Variants in KCNN2 observed in about 807,000 individuals in gnomAD.
KCNN2 encodes the protein small conductance calcium-activated potassium channel protein 2.
In KCNN2, 24 loss-of-function variants were observed where a neutral mutation model predicts 55.5. That is an observed-to-expected ratio of 0.43 (90% CI 0.31 to 0.61). The LOEUF (loss-of-function observed/expected upper bound fraction) is 0.61, where lower values mean the gene tolerates loss of function less well. Ranked by LOEUF, KCNN2 falls within the 20% of genes least tolerant of loss-of-function variation. KCNN2 has a pLI of 0.08. For synonymous variants in KCNN2, 431 were observed against 336.1 expected, an observed-to-expected ratio of 1.28 and a Z score of -3.09; for missense variants, 754 against 853.6, an observed-to-expected ratio of 0.88 and a Z score of 1.45.
chr5:114,160,172 A>T (rs1164880397), intron 1 of KCNN2, among the ~76,000 whole-genome samples: 3 of 152,154 alleles, frequency 2.0e-5, no homozygotes, highest in African/African-American at 7.2e-5. Context: ...CATACTGCTT[A>T]GAATGTGTCC....
At chr5:114,400,235 T>G (rs1460256296) in intron 2 of KCNN2, among the ~76,000 whole-genome samples, 1 of 152,184 alleles carries the variant, frequency 6.6e-6, no homozygotes, top group South Asian at 2.1e-4. Context: ...TTCTAACTTT[T>G]TCACATGGGC....
rs146131588 is a variant in KCNN2 at position 114,438,435 on chromosome 5, AAT to A, written c.1638-24609_1638-24608del. On this transcript the variant is annotated intron_variant, in intron 3 of 7. Transcript: ENST00000673685. The stretch of plus-strand genomic sequence containing the variant: ...GATGGGACATAGTGGTATTAGAAAA[AAT>A]ATATTTCTGTTGCAACTTTTGATCT... Among the ~76,000 whole-genome samples, 593 of 152,274 alleles carry A rather than the reference AAT, an allele frequency of 3.9e-3. 4 individuals are homozygous for A. Among genetic ancestry groups the A allele is most frequent in the African/African-American group, 0.012 (511 of 41,568 alleles).
intron 3 of KCNN2, among the ~76,000 whole-genome samples, chr5:114,446,809 G>A (rs1203305853): frequency 1.3e-5 from 2 of 152,104 alleles, no homozygotes; most frequent in Non-Finnish European, 2.9e-5. Flanking sequence ...GGCTGAAGCA[G>A]GATAATTGCT....
At chr5:114,484,317 C>G (rs1014419993) in intron 5 of KCNN2, among the ~76,000 whole-genome samples, 4 of 152,210 alleles carry the variant, frequency 2.6e-5, no homozygotes, top group Admixed American at 6.5e-5. Flanking sequence ...GAAACTTTCC[C>G]TCCAAAGATG....
intron 2 of KCNN2, among the ~76,000 whole-genome samples, chr5:114,296,515 G>A (rs1293664996): frequency 6.6e-6 from 1 of 152,212 alleles, no homozygotes; most frequent in Admixed American, 6.5e-5. Flanking sequence ...GGTCTCTGTA[G>A]AAATGGCCTT....
intron 1 of KCNN2, among the ~76,000 whole-genome samples, chr5:114,116,934 A>C (rs1370938734): frequency 6.6e-6 from 1 of 152,134 alleles, no homozygotes; most frequent in Admixed American, 6.5e-5. Context: ...CATGAGTATA[A>C]AAAGTCATGC....
At chr5:114,386,975 G>A (rs1299647963) in intron 2 of KCNN2, among the ~76,000 whole-genome samples, 5 of 152,144 alleles carry the variant, frequency 3.3e-5, no homozygotes, top group Non-Finnish European at 2.9e-5. Context: ...AGGCCAGTTA[G>A]CAATCTTGAA....
At chr5:114,420,251 A>C (rs962928646) in intron 3 of KCNN2, among the ~76,000 whole-genome samples, 3 of 152,280 alleles carry the variant, frequency 2.0e-5, no homozygotes, top group Non-Finnish European at 4.4e-5. Flanking sequence ...GACTAGGGAA[A>C]TAATGTAAAG....
At chr5:114,432,690 G>A (rs945177890) in intron 3 of KCNN2, among the ~76,000 whole-genome samples, 18 of 152,172 alleles carry the variant, frequency 1.2e-4, no homozygotes, top group African/African-American at 3.9e-4. Context: ...AGGGAGAGGC[G>A]CGAGCGGGAA....
chr5:114,306,428 C>T (rs990077481), intron 2 of KCNN2, among the ~76,000 whole-genome samples: 1 of 152,194 alleles, frequency 6.6e-6, no homozygotes, highest in Non-Finnish European at 1.5e-5. Flanking sequence ...AATTCTGGAA[C>T]ATGACATTGT....
chr5:114,125,858 G>T (rs1403791802), intron 1 of KCNN2, among the ~76,000 whole-genome samples: 1 of 152,102 alleles, frequency 6.6e-6, no homozygotes, highest in South Asian at 2.1e-4. Context: ...GTGGATTGGG[G>T]CCCATCCTAA....
chr5:114,396,818 T>A (rs1758634641), intron 2 of KCNN2, among the ~76,000 whole-genome samples: 1 of 152,174 alleles, frequency 6.6e-6, no homozygotes, highest in Admixed American at 6.5e-5. Context: ...GTGCTGGGGT[T>A]ACAGGCGTGA....
intron 2 of KCNN2, among the ~76,000 whole-genome samples, chr5:114,222,048 A>G (rs1754149980): frequency 6.6e-6 from 1 of 152,218 alleles, no homozygotes; most frequent in African/African-American, 2.4e-5. Flanking sequence ...GCTAGATAAT[A>G]TGTTTGAGAT....
chr5:114,104,495 T>G (rs1751438971), intron 1 of KCNN2, among the ~76,000 whole-genome samples: 1 of 152,080 alleles, frequency 6.6e-6, no homozygotes, highest in Non-Finnish European at 1.5e-5. Context: ...GTTCTTTTGG[T>G]GATGTTAGGG....
chr5:114,467,758 T>C (rs1165469173), intron 4 of KCNN2, among the ~76,000 whole-genome samples: 1 of 152,076 alleles, frequency 6.6e-6, no homozygotes, highest in African/African-American at 2.4e-5. Context: ...TAGGTGGAAG[T>C]TGTTGTGACC....
intron 3 of KCNN2, among the ~76,000 whole-genome samples, chr5:114,425,199 A>G (rs1278683271): frequency 6.6e-6 from 1 of 152,254 alleles, no homozygotes; most frequent in Non-Finnish European, 1.5e-5. Context: ...GGGCTTAACT[A>G]TCATGCTTTT....
In KCNN2 at chr5:114,356,989, C is replaced by T. The variant is rs907617185; in HGVS notation, c.-184-3956C>T. 4.6e-5 allele frequency among the ~76,000 whole-genome samples: 7 copies of T among 151,988 alleles called. 1 individual carries two copies. The highest frequency in any genetic ancestry group is 3.2e-3 in the Middle Eastern group (1 of 316). ...TGGCGGTGTCTCATCACAACCTCTG[C>T]GTTTGGCACCACCAAATATTGTAGT... is the stretch of plus-strand genomic sequence containing the variant. On this transcript the variant is annotated intron_variant, in intron 2 of 10. Coordinates refer to the KCNN2 transcript ENST00000512097.
rs191008502 is a variant in KCNN2, at chr5:114,066,509, C to T, written c.-271+10009C>T. Among the ~76,000 whole-genome samples the T allele has an allele frequency of 2.3e-3, 353 of 152,320 alleles. 1 individual carries two copies. The highest frequency in any genetic ancestry group is 7.9e-3 in the African/African-American group (328 of 41,576). The stretch of plus-strand genomic sequence containing the variant: ...ATGAATGCCGGGATGGCAGTAACAA[C>T]GGATACACACTACTGTGGGAAAGGG... On this transcript the variant is annotated intron_variant, in intron 1 of 10. Transcript: ENST00000512097.
chr5:114,278,352 C>T (rs577182606), intron 2 of KCNN2, among the ~76,000 whole-genome samples: 1 of 152,338 alleles, frequency 6.6e-6, no homozygotes, highest in South Asian at 2.1e-4. Flanking sequence ...AGCTCGAATG[C>T]CATGCTGGGA....
Sources: allele counts gnomAD v4.1 joint callset (sites outside exome capture counted in the v4.1 genomes callset), GRCh38; gene constraint gnomAD v4.1.1; transcripts MANE v1.5; gene names NCBI Gene and HGNC (gene_info 2026-07-23, HGNC 2026-07-21).